The following USP47 variants were observed in gnomAD, a reference collection of about 807,000 sequenced individuals.
USP47 encodes ubiquitin specific peptidase 47, also known as ubiquitin carboxyl-terminal hydrolase 47.
Under a neutral mutation model 165.1 loss-of-function variants are expected in USP47, and 35 were observed. The observed-to-expected ratio is 0.21, with a 90% CI of 0.16 to 0.28. The LOEUF is 0.28. USP47 is among the 10% of genes least tolerant of loss of function. The pLI, the probability that USP47 is intolerant of heterozygous loss-of-function variation, is 1.00. For synonymous variants in USP47, 531 were observed against 544.5 expected, an observed-to-expected ratio of 0.98 and a Z score of 0.35; for missense variants, 1,277 against 1,607.4, an observed-to-expected ratio of 0.79 and a Z score of 3.52.
intron 11 of USP47, among the ~76,000 whole-genome samples, chr11:11,926,105 A>G (rs1157858973): frequency 2.0e-5 from 3 of 152,176 alleles, no homozygotes; most frequent in Admixed American, 6.5e-5. Flanking sequence ...TATTTTGTTA[A>G]GGATTTATGC....
intron 19 of USP47, among the ~76,000 whole-genome samples, chr11:11,941,985 G>A (rs1351472603): frequency 6.6e-6 from 1 of 151,952 alleles, no homozygotes; most frequent in Admixed American, 6.6e-5. Flanking sequence ...ATTTCCTAAA[G>A]GTGAAAGATT....
At chr11:11,869,084 C>T (rs367971123) in intron 1 of USP47, among the ~76,000 whole-genome samples, 43 of 152,150 alleles carry the variant, frequency 2.8e-4, no homozygotes, top group African/African-American at 8.4e-4. Flanking sequence ...TAGTCCTTAA[C>T]GGAATCTTTG....
intron 1 of USP47, among the ~76,000 whole-genome samples, chr11:11,843,619 G>C (rs1029830067): frequency 6.6e-6 from 1 of 152,154 alleles, no homozygotes; most frequent in Non-Finnish European, 1.5e-5. Flanking sequence ...CATATTGCTG[G>C]TTTTCATTTT....
intron 5 of USP47, among the ~76,000 whole-genome samples, chr11:11,900,677 A>T (rs1564871101): frequency 1.3e-5 from 2 of 152,240 alleles, no homozygotes; most frequent in African/African-American, 2.4e-5. Flanking sequence ...TACATTTCAG[A>T]TTGAAAACTA....
At chr11:11,951,558 TC>T (rs1383441153) in intron 24 of USP47, 1 of 152,198 alleles carries the variant, frequency 6.6e-6, no homozygotes, top group Admixed American at 6.5e-5. Context: ...AGTTCTATAT[TC>T]TTTTTTTGCT....
At chr11:11,888,507 A>T (rs1008076089) in intron 3 of USP47, among the ~76,000 whole-genome samples, 22 of 152,298 alleles carry the variant, frequency 1.4e-4, no homozygotes, top group Middle Eastern at 3.4e-3. Flanking sequence ...ACTAGGAAGA[A>T]ATTGAGTCTC....
chr11:11,949,087 T>A (rs1328891151), intron 22 of USP47: 1 of 152,576 alleles, frequency 6.6e-6, no homozygotes, highest in African/African-American at 2.4e-5. Flanking sequence ...ATACAAGCAC[T>A]ATTTCTTATT....
At chr11:11,910,738 A>G (rs1463116689) in intron 8 of USP47, among the ~76,000 whole-genome samples, 1 of 152,136 alleles carries the variant, frequency 6.6e-6, no homozygotes, top group African/African-American at 2.4e-5. Context: ...TTCTAATGCC[A>G]TCTGGCACTA....
intron 11 of USP47, among the ~76,000 whole-genome samples, chr11:11,923,993 C>T (rs1214395256): frequency 6.6e-6 from 1 of 152,226 alleles, no homozygotes; most frequent in African/African-American, 2.4e-5. Flanking sequence ...TTCCCATCTG[C>T]ATGCCTTTTT....
chr11:11,943,049 C>A lies in USP47; in HGVS notation c.3028C>A (p.Gln1010Lys). The change falls in exon 20 of 28, where the codon CAG becomes AAG. Residue 1010 changes from glutamine (Q) to lysine (K), a missense_variant. Around this residue, in one of 4 missense-constraint regions of USP47, gnomAD observed 909 missense variants for 1,068.1 expected, o/e 0.85. Coordinates refer to ENST00000527733, the MANE Select transcript of USP47 (RefSeq NM_001282659.2). The stretch of plus-strand genomic sequence containing the variant: ...GAGTGGCAAGAGTAGGGGAGAAATG[C>A]AGTACATGTATTTCAAAGCTGAACC... ...DESGKSRGEM[Q>K]YMYFKAEPYA... The A allele has an allele frequency of 6.2e-7, 1 of 1,613,406 alleles. No individual in the cohort carries two copies. The highest frequency in any genetic ancestry group is 1.1e-5 in the South Asian group (1 of 91,050).
At chr11:11,909,326 T>A (rs1027477752) in intron 8 of USP47, among the ~76,000 whole-genome samples, 1 of 152,226 alleles carries the variant, frequency 6.6e-6, no homozygotes, top group African/African-American at 2.4e-5. Context: ...GAACCTTCTA[T>A]GTTCACTGAC....
intron 3 of USP47, among the ~76,000 whole-genome samples, chr11:11,889,007 C>T (rs1851345955): frequency 6.6e-6 from 1 of 152,130 alleles, no homozygotes. Context: ...ATTATCCCTT[C>T]ATGTTAAAAA....
At chr11:11,873,718 G>A (rs575995389) in intron 1 of USP47, 7 of 754,250 alleles carry the variant, frequency 9.3e-6, no homozygotes, top group Non-Finnish European at 1.3e-5. Flanking sequence ...AATGTTTTTA[G>A]GTTAATTGTT....
At chr11:11,862,243 A>G (rs967140713) in intron 1 of USP47, among the ~76,000 whole-genome samples, 16 of 152,204 alleles carry the variant, frequency 1.1e-4, no homozygotes, top group Non-Finnish European at 1.9e-4. Context: ...AGCATCAGCT[A>G]TAATACATTA....
chr11:11,897,712 T>C lies in USP47; in HGVS notation c.593+19T>C. 1 of 1,482,422 alleles carries C rather than the reference T, an allele frequency of 6.7e-7. No individual in the cohort carries two copies. The allele number at this position is 1,482,422 out of a possible 1,614,324, so 91.8% of individuals were successfully genotyped here. On this transcript the variant is annotated intron_variant, in intron 5 of 27. Coordinates refer to ENST00000527733, the MANE Select transcript of USP47 (RefSeq NM_001282659.2). ...TATATAAGTGAGTATTCAAAAAAAT[T>C]GTATACATAAAATTGATTTAAGAAT...
chr11:11,897,715 A>G (rs752221145), intron 5 of USP47, 22 bp downstream of exon 5: 16 of 1,462,274 alleles, frequency 1.1e-5, no homozygotes, highest in African/African-American at 4.3e-5. Flanking sequence ...AAAAAATTGT[A>G]TACATAAAAT....
rs1855218267 is a variant in USP47, at chr11:11,938,278, T to C, written c.2099T>C (p.Val700Ala). The C allele has an allele frequency of 1.2e-6, 2 of 1,612,040 alleles. No individual in the cohort carries two copies. The highest frequency in any genetic ancestry group is 1.7e-6 in the Non-Finnish European group (2 of 1,178,770). Reference protein sequence around the residue: ...KPGEVMVKVHVVDLKAESVAA... With the variant: ...KPGEVMVKVHAVDLKAESVAA... ...ACAGAAGTGATGGTGAAAGTTCATG[T>C]TGTTGATCTAAAGGCAGAATCTGTA... is the stretch of plus-strand genomic sequence containing the variant. The change falls in exon 18 of 28, where the codon GTT (valine) becomes GCT (alanine). Residue 700 changes from valine to alanine, a missense_variant. Transcript: ENST00000527733.
Position 11,948,094 on chromosome 11 carries a change from C to G in USP47, c.3241C>G (p.Leu1081Val), listed in dbSNP as rs1405413427. 6.2e-7 allele frequency: 1 copy of G among 1,611,142 alleles called. No individual in the cohort carries two copies. The highest frequency in any genetic ancestry group is 1.1e-5 in the South Asian group (1 of 90,218). ...EFESVRLNET[L>V]SSFSDDNKIT... is the part of the protein sequence containing the mutation. ...TGAGAGCGTCCGGCTGAATGAGACA[C>G]TTTCATCATTTTCTGATGACAATAA... The change falls in exon 21 of 28, where the codon CTT (leucine) becomes GTT (valine). Residue 1081 changes from leucine (L) to valine (V), a missense_variant. Transcript: ENST00000527733.
intron 1 of USP47, chr11:11,873,967 G>T: frequency 1.7e-6 from 1 of 576,690 alleles, no homozygotes; most frequent in Admixed American, 4.2e-5. Flanking sequence ...ATGCTTGTTT[G>T]GCTATTTTAT....
Sources: gnomAD v4.1 joint callset for allele counts (sites outside exome capture counted in the v4.1 genomes callset) on GRCh38, gnomAD v4.1.1 for gene constraint, gnomAD v4.1.1 regional missense constraint, MANE v1.5 for transcripts, NCBI Gene and HGNC (gene_info 2026-07-23, HGNC 2026-07-21) for gene names.